The following DNAH6 variants were observed in gnomAD, a reference collection of about 807,000 sequenced individuals.
DNAH6 encodes the protein axonemal beta dynein heavy chain 6.
DNAH6 carries 340 observed loss-of-function variants against 491.4 expected under a neutral mutation model. The observed-to-expected ratio is 0.69, with a 90% CI of 0.63 to 0.76. DNAH6 has a LOEUF of 0.76. Among genes scored for constraint, DNAH6 ranks in the 30% least tolerant of loss-of-function variants. DNAH6 has a pLI of 0.00. For missense variants in DNAH6, 4,443 were observed against 4,972.2 expected, an observed-to-expected ratio of 0.89 and a Z score of 3.20; for synonymous variants, 1,603 against 1,686.1, an observed-to-expected ratio of 0.95 and a Z score of 1.21.
intron 71 of DNAH6, among the ~76,000 whole-genome samples, chr2:84,807,357 G>T (rs757677271): frequency 6.6e-6 from 1 of 152,168 alleles, no homozygotes; most frequent in Non-Finnish European, 1.5e-5. Flanking sequence ...CAAGAAAAAG[G>T]CTGTTCCTTC....
At chr2:84,742,308 TTTG>T (rs1463369833) in intron 62 of DNAH6, among the ~76,000 whole-genome samples, 2 of 152,232 alleles carry the variant, frequency 1.3e-5, no homozygotes, top group Non-Finnish European at 2.9e-5. Flanking sequence ...TTAGTAGGAT[TTTG>T]TTGTTGTTTT....
At chr2:84,810,144 G>T (rs752386417) in intron 72 of DNAH6, among the ~76,000 whole-genome samples, 1 of 151,776 alleles carries the variant, frequency 6.6e-6, no homozygotes, top group African/African-American at 2.4e-5. Flanking sequence ...GATGAATTAG[G>T]GTCCCATCCT....
intron 58 of DNAH6, 104 bp downstream of exon 58, chr2:84,715,731 C>T: frequency 9.2e-7 from 1 of 1,082,432 alleles, no homozygotes; most frequent in Non-Finnish European, 1.4e-6. Flanking sequence ...TGTAAGAGCA[C>T]TACACATGAA....
intron 70 of DNAH6, among the ~76,000 whole-genome samples, chr2:84,802,998 T>C (rs1339569294): frequency 6.6e-6 from 1 of 152,114 alleles, no homozygotes; most frequent in Admixed American, 6.5e-5. Flanking sequence ...AATCAAAAAA[T>C]TATTTGAAAC....
the DNAH6 span, among the ~76,000 whole-genome samples, chr2:84,503,645 G>A: frequency 6.6e-6 from 1 of 151,280 alleles, no homozygotes; most frequent in African/African-American, 2.4e-5. Flanking sequence ...CGTGTTTGAT[G>A]GTGGATATTT....
chr2:84,724,992 T>C (rs1199193890), intron 60 of DNAH6, among the ~76,000 whole-genome samples: 1 of 152,220 alleles, frequency 6.6e-6, no homozygotes, highest in Admixed American at 6.5e-5. Context: ...ATATTTGATA[T>C]GCTTCATCTG....
At chr2:84,691,059 A>G (rs892061386) in intron 45 of DNAH6, among the ~76,000 whole-genome samples, 2 of 152,372 alleles carry the variant, frequency 1.3e-5, no homozygotes, top group East Asian at 3.9e-4. Context: ...CAAATCTATT[A>G]GTCTTTAAGC....
At chr2:84,613,527 A>G (rs1324559946) in intron 22 of DNAH6, among the ~76,000 whole-genome samples, 1 of 152,142 alleles carries the variant, frequency 6.6e-6, no homozygotes, top group Non-Finnish European at 1.5e-5. Context: ...CACCAAAACT[A>G]CAAAGATAAT....
chr2:84,653,425 G>A lies in DNAH6; in HGVS notation c.5185G>A (p.Glu1729Lys). The A allele has an allele frequency of 1.3e-6, 2 of 1,551,136 alleles. No homozygotes were observed. The highest frequency in any genetic ancestry group is 1.7e-6 in the Non-Finnish European group (2 of 1,146,622). Residue 1729 changes from glutamate to lysine, a missense_variant, in exon 34 of 77, where the codon GAG (glutamate) becomes AAG (lysine). Around this residue, in one of 3 missense-constraint regions of DNAH6, gnomAD observed 2,977 missense variants for 3,296.6 expected, o/e 0.90. Transcript: ENST00000389394. ...DVMNRQNLQP[E>K]MCMVRKVIQF... ...CATGAATAGACAAAATCTTCAGCCT[G>A]AGATGTGTATGGTTAGAAAGGTGAT...
At chr2:84,610,098 G>A (rs1686181461) in intron 21 of DNAH6, among the ~76,000 whole-genome samples, 1 of 152,082 alleles carries the variant, frequency 6.6e-6, no homozygotes, top group Admixed American at 6.6e-5. Flanking sequence ...CCACTTCCAA[G>A]CTCACTCCAG....
At chr2:84,626,819 T>C (rs1573274654) in intron 29 of DNAH6, among the ~76,000 whole-genome samples, 1 of 152,112 alleles carries the variant, frequency 6.6e-6, no homozygotes, top group African/African-American at 2.4e-5. Context: ...GCCAGGCTGG[T>C]CTGGTCTTGA....
Position 84,621,361 on chromosome 2 carries a change from TCA to T in DNAH6, c.3957+10_3957+11del. 1.3e-6 allele frequency: 2 copies of T among 1,551,268 alleles called. No individual in the cohort carries two copies. The highest frequency in any genetic ancestry group is 1.7e-6 in the Non-Finnish European group (2 of 1,146,656). ...TTGCTGGCCACCCTTCTCAAGTAAC[TCA>T]CACTCACATTTCATATCCCTGAATT... On this transcript the variant is annotated splice_region_variant and intron_variant, in intron 25 of 76. Coordinates refer to ENST00000389394, the MANE Select transcript of DNAH6 (RefSeq NM_001370.2).
chr2:84,508,097 G>A, the DNAH6 span, among the ~76,000 whole-genome samples: 1 of 152,178 alleles, frequency 6.6e-6, no homozygotes, highest in Non-Finnish European at 1.5e-5. Context: ...GAGTTAGGGA[G>A]GATTCCCTCT....
Position 84,704,258 on chromosome 2 carries a change from G to A in DNAH6, c.8421G>A (p.Leu2807=). 1.9e-6 allele frequency: 3 copies of A among 1,551,646 alleles called. No individual in the cohort carries two copies. The highest frequency in any genetic ancestry group is 2.6e-6 in the Non-Finnish European group (3 of 1,146,982). The change falls in exon 51 of 77, where the codon TTG becomes TTA. Residue 2807 remains leucine, a synonymous_variant. Coordinates refer to ENST00000389394, the MANE Select transcript of DNAH6 (RefSeq NM_001370.2). The stretch of plus-strand genomic sequence containing the variant: ...GAGTTTTTACAAAGCCCCCAGATTT[G>A]GTCATGACAGTAATGGAAGCAATCT... ...EIRVFTKPPD[L]VMTVMEAISI...
intron 37 of DNAH6, among the ~76,000 whole-genome samples, chr2:84,664,114 G>A (rs1225249338): frequency 2.0e-5 from 3 of 152,130 alleles, no homozygotes; most frequent in Non-Finnish European, 4.4e-5. Flanking sequence ...AACATGGAAA[G>A]GAATAACCGG....
intron 14 of DNAH6, among the ~76,000 whole-genome samples, chr2:84,583,479 C>T (rs1342010493): frequency 6.6e-6 from 1 of 152,232 alleles, no homozygotes; most frequent in Non-Finnish European, 1.5e-5. Flanking sequence ...GACTATCATC[C>T]AGCAGGCTTT....
At chr2:84,529,366 T>C (rs1676934818) in intron 4 of DNAH6, among the ~76,000 whole-genome samples, 200 bp downstream of exon 4, 1 of 152,100 alleles carries the variant, frequency 6.6e-6, no homozygotes, top group Non-Finnish European at 1.5e-5. Context: ...ATTAACTATC[T>C]TACCTGCACT....
intron 39 of DNAH6, among the ~76,000 whole-genome samples, chr2:84,671,634 C>G (rs1001187701): frequency 6.6e-6 from 1 of 152,182 alleles, no homozygotes. Context: ...TCTTAGACCC[C>G]TTCCTTACCC....
upstream of DNAH6, among the ~76,000 whole-genome samples, chr2:84,512,456 A>C (rs552517276): frequency 2.0e-4 from 30 of 152,338 alleles, 1 homozygote; most frequent in Admixed American, 1.8e-3. Flanking sequence ...AGGTCTCTGC[A>C]TTACGTCTCC....
Sources: allele counts gnomAD v4.1 joint callset (sites outside exome capture counted in the v4.1 genomes callset), GRCh38; gene constraint gnomAD v4.1.1; regional missense constraint gnomAD v4.1.1; transcripts MANE v1.5; gene names NCBI Gene and HGNC (gene_info 2026-07-23, HGNC 2026-07-21).